MAGI2: variants seen among roughly 807,000 people sequenced by gnomAD.
MAGI2 encodes the protein membrane associated guanylate kinase, WW and PDZ domain containing 2, also known as membrane-associated guanylate kinase, WW and PDZ domain-containing protein 2.
MAGI2 carries 35 observed loss-of-function variants against 133.3 expected under a neutral mutation model. The ratio of observed to expected loss-of-function variants is 0.26; its 90% CI spans 0.20 to 0.35. The LOEUF (loss-of-function observed/expected upper bound fraction) is 0.35, where lower values mean the gene tolerates loss of function less well. Among genes scored for constraint, MAGI2 ranks in the 10% least tolerant of loss-of-function variants. The pLI is 1.00. For missense variants in MAGI2, 1,636 were observed against 1,863.4 expected, an observed-to-expected ratio of 0.88 and a Z score of 2.25; for synonymous variants, 729 against 710.6, an observed-to-expected ratio of 1.03 and a Z score of -0.41.
chr7:78,220,333 C>T (rs1435194257), intron 10 of MAGI2, among the ~76,000 whole-genome samples: 2 of 152,148 alleles, frequency 1.3e-5, no homozygotes, highest in Non-Finnish European at 2.9e-5. Flanking sequence ...CCAATCTTGC[C>T]GTGTCCCCCC....
At position 78,521,665 on chromosome 7, in the gene MAGI2, A is replaced by T; in HGVS notation, c.539-20T>A. The T allele has an allele frequency of 6.3e-7, 1 of 1,597,342 alleles. No individual in the cohort carries two copies. The highest frequency in any genetic ancestry group is 8.6e-7 in the Non-Finnish European group (1 of 1,165,064). ...AATTGTCTGCAAACAATACCAAAAC[A>T]TTCTTGGAGTTAAATATTTCTTCTA... On this transcript the variant is annotated intron_variant, in intron 3 of 21. Coordinates refer to ENST00000354212, the MANE Select transcript of MAGI2 (RefSeq NM_012301.4).
intron 14 of MAGI2, among the ~76,000 whole-genome samples, chr7:78,171,473 C>T (rs1217648377): frequency 1.3e-5 from 2 of 152,188 alleles, no homozygotes; most frequent in South Asian, 2.1e-4. Context: ...GCAGGTTTAA[C>T]AAGCTCCCAG....
intron 1 of MAGI2, among the ~76,000 whole-genome samples, chr7:79,114,195 C>T (rs1157572583): frequency 6.6e-6 from 1 of 152,148 alleles, no homozygotes; most frequent in Non-Finnish European, 1.5e-5. Flanking sequence ...CTGCATTTCA[C>T]CCTGTATTTA....
At chr7:79,250,304 G>A (rs1417243146) in intron 1 of MAGI2, among the ~76,000 whole-genome samples, 1 of 148,472 alleles carries the variant, frequency 6.7e-6, no homozygotes, top group South Asian at 2.1e-4. Context: ...ACCTTTGTTT[G>A]CAGGTGATAT....
chr7:79,438,448 C>T (rs1264044621), intron 1 of MAGI2, among the ~76,000 whole-genome samples: 1 of 152,072 alleles, frequency 6.6e-6, no homozygotes, highest in Admixed American at 6.6e-5. Flanking sequence ...ATTACTTATG[C>T]ACTAAGAACC....
chr7:78,288,683 A>G (rs1796396467), intron 9 of MAGI2, among the ~76,000 whole-genome samples: 1 of 152,222 alleles, frequency 6.6e-6, no homozygotes, highest in African/African-American at 2.4e-5. Flanking sequence ...AAGTAGCCTA[A>G]CTAGGAGGCA....
At chr7:79,228,160 A>C (rs969145692) in intron 1 of MAGI2, among the ~76,000 whole-genome samples, 9 of 151,776 alleles carry the variant, frequency 5.9e-5, no homozygotes, top group African/African-American at 1.9e-4. Context: ...CCTGGAAAAC[A>C]CAATGAGACC....
chr7:78,213,372 C>T (rs1407324785), intron 10 of MAGI2, among the ~76,000 whole-genome samples: 1 of 152,180 alleles, frequency 6.6e-6, no homozygotes, highest in African/African-American at 2.4e-5. Context: ...TAGATTTGAT[C>T]TTGACTCTTT....
chr7:78,226,320 TAAAAAAA>T (rs5885045), intron 10 of MAGI2, among the ~76,000 whole-genome samples: 1 of 141,854 alleles, frequency 7.0e-6, no homozygotes, highest in African/African-American at 2.7e-5. Context: ...TACAAATGTT[TAAAAAAA>T]AAAAAAAAAA....
intron 3 of MAGI2, among the ~76,000 whole-genome samples, chr7:78,527,230 T>C (rs900734063): frequency 6.6e-6 from 1 of 152,116 alleles, no homozygotes; most frequent in Non-Finnish European, 1.5e-5. Flanking sequence ...ACCTAATCCC[T>C]TACCCATTTT....
intron 21 of MAGI2, among the ~76,000 whole-genome samples, chr7:78,041,414 G>A (rs575227496): frequency 6.6e-6 from 1 of 152,162 alleles, no homozygotes; most frequent in East Asian, 1.9e-4. Flanking sequence ...GGTGGCTTAC[G>A]CCTGTAATCC....
chr7:78,066,586 T>C (rs963767672), intron 21 of MAGI2, among the ~76,000 whole-genome samples: 4 of 152,108 alleles, frequency 2.6e-5, no homozygotes, highest in Non-Finnish European at 4.4e-5. Context: ...CTGCTGTGGG[T>C]TGTGCTCTGA....
intron 1 of MAGI2, among the ~76,000 whole-genome samples, chr7:79,358,534 T>C (rs1213236435): frequency 6.6e-6 from 1 of 152,132 alleles, no homozygotes; most frequent in South Asian, 2.1e-4. Flanking sequence ...TAGAGACAGA[T>C]AGCCTGAAGA....
chr7:78,536,469 C>T (rs1007154527), intron 3 of MAGI2, among the ~76,000 whole-genome samples: 2 of 152,154 alleles, frequency 1.3e-5, no homozygotes, highest in East Asian at 1.9e-4. Context: ...GTCTGAGCCC[C>T]GGGCAAGGAG....
At chr7:78,490,638 G>C (rs73374258) in intron 5 of MAGI2, among the ~76,000 whole-genome samples, 4,947 of 152,134 alleles carry the variant, frequency 0.033, 279 homozygotes, top group African/African-American at 0.11. Flanking sequence ...CATATTCTGA[G>C]TCCTCAAAGA....
At chr7:78,776,078 C>T (rs1206457636) in intron 2 of MAGI2, among the ~76,000 whole-genome samples, 6 of 152,176 alleles carry the variant, frequency 3.9e-5, no homozygotes. Context: ...CCACACCTAT[C>T]TTGTAGATTC....
In MAGI2 at chr7:79,230,909, G is replaced by A. The variant is rs1241544713; in HGVS notation, c.301+222111C>T. ...TGGTAATGCCTAGGTTTTCTTCTAG[G>A]GTTTTTATGGTTTTAGGTCTAACGT... On this transcript the variant is annotated intron_variant, in intron 1 of 21. Coordinates refer to ENST00000354212, the MANE Select transcript of MAGI2 (RefSeq NM_012301.4). 1.5e-5 allele frequency among the ~76,000 whole-genome samples: 2 copies of A among 131,498 alleles called. 1 individual carries two copies. Among genetic ancestry groups the A allele is most frequent in the African/African-American group, 5.6e-5 (2 of 35,590 alleles). The allele number at this position is 131,498 out of a possible 152,430, so 86.3% of individuals were successfully genotyped here.
chr7:78,393,007 C>T (rs184699745), intron 6 of MAGI2, among the ~76,000 whole-genome samples: 1 of 152,014 alleles, frequency 6.6e-6, no homozygotes, highest in East Asian at 1.9e-4. Flanking sequence ...ATATCCATGT[C>T]CAGGACAGTG....
chr7:78,738,246 A>T (rs971754103), intron 2 of MAGI2, among the ~76,000 whole-genome samples: 2 of 152,170 alleles, frequency 1.3e-5, no homozygotes, highest in African/African-American at 4.8e-5. Context: ...GGGATGTAGT[A>T]TTAGAGGAAA....
Sources: gnomAD v4.1 joint callset for allele counts (sites outside exome capture counted in the v4.1 genomes callset) on GRCh38, gnomAD v4.1.1 for gene constraint, MANE v1.5 for transcripts, NCBI Gene and HGNC (gene_info 2026-07-23, HGNC 2026-07-21) for gene names.